COL21A1: variants seen among roughly 807,000 people sequenced by gnomAD.
COL21A1 encodes the protein collagen type XXI alpha 1 chain, also known as collagen alpha-1(XXI) chain.
A neutral mutation model predicts 137.9 loss-of-function variants in COL21A1; 149 were observed. The observed-to-expected ratio is 1.08, with a 90% CI of 0.95 to 1.24. The LOEUF is 1.24. Ranked by LOEUF, COL21A1 falls within the 50% of genes most tolerant of loss-of-function variation. The pLI, the probability that COL21A1 is intolerant of heterozygous loss-of-function variation, is 0.00. For missense variants in COL21A1, 1,167 were observed against 1,158.4 expected (o/e 1.01, Z -0.11); for synonymous variants, 456 against 391.5 (o/e 1.16, Z -1.95).
Position 56,067,327 on chromosome 6 carries a change from C to G in COL21A1, c.2095G>C (p.Asp699His). The G allele has an allele frequency of 6.2e-7, 1 of 1,608,544 alleles. No individual in the cohort carries two copies. Among genetic ancestry groups the G allele is most frequent in the Non-Finnish European group, 8.5e-7 (1 of 1,176,450 alleles). The change falls in exon 23 of 30, where the codon GAC (aspartate) becomes CAC (histidine). Residue 699 changes from aspartate to histidine, a missense_variant. Physicochemically the swap from Asp to His is moderately conservative, Grantham distance 81. Coordinates refer to ENST00000244728, the MANE Select transcript of COL21A1 (RefSeq NM_030820.4). ...GLPGIQGKKG[D>H]KGNQGEKGIQ... Reference sequence around the variant, plus strand: ...CCTTTTTCACCTTGATTTCCTTTGTCCCCCTACAAAAAGGCAGTTTGATCT... The same window carrying G: ...CCTTTTTCACCTTGATTTCCTTTGTGCCCCTACAAAAAGGCAGTTTGATCT...
chr6:56,236,735 G>C (rs1285570736), intron 1 of COL21A1, among the ~76,000 whole-genome samples: 1 of 152,008 alleles, frequency 6.6e-6, no homozygotes, highest in African/African-American at 2.4e-5. Context: ...TCTCACAACT[G>C]TATCATAAGC....
At chr6:56,353,250 G>C (rs1413421572) in intron 1 of COL21A1, among the ~76,000 whole-genome samples, 1 of 152,144 alleles carries the variant, frequency 6.6e-6, no homozygotes, top group Admixed American at 6.5e-5. Flanking sequence ...GATAAGAAGA[G>C]GCCATTCCTA....
intron 1 of COL21A1, among the ~76,000 whole-genome samples, chr6:56,272,822 T>A (rs1763559935): frequency 6.6e-6 from 1 of 152,212 alleles, no homozygotes; most frequent in African/African-American, 2.4e-5. Context: ...CTCCTTCATC[T>A]TCTGCCACAA....
chr6:56,203,928 AC>A (rs1364933007), intron 1 of COL21A1, among the ~76,000 whole-genome samples: 1 of 152,084 alleles, frequency 6.6e-6, no homozygotes. Flanking sequence ...GGAACGGTGC[AC>A]TCTGGCCCAG....
At chr6:56,116,202 A>ACT (rs2152197874) in intron 16 of COL21A1, among the ~76,000 whole-genome samples, 1 of 152,156 alleles carries the variant, frequency 6.6e-6, no homozygotes, top group Non-Finnish European at 1.5e-5. Flanking sequence ...TAACCCAAAG[A>ACT]CTACCTGAAG....
At chr6:56,071,304 T>C (rs1383702558) in intron 20 of COL21A1, among the ~76,000 whole-genome samples, 1 of 151,664 alleles carries the variant, frequency 6.6e-6, no homozygotes, top group East Asian at 1.9e-4. Context: ...GTGCAGTTCT[T>C]TCTAACAGAT....
At chr6:56,223,632 G>A (rs1240377827) in intron 1 of COL21A1, among the ~76,000 whole-genome samples, 5 of 151,890 alleles carry the variant, frequency 3.3e-5, no homozygotes, top group African/African-American at 9.7e-5. Context: ...TGGGTAAGGG[G>A]ATAATATTAA....
intron 1 of COL21A1, among the ~76,000 whole-genome samples, chr6:56,190,605 C>T (rs766434229): frequency 1.3e-5 from 2 of 152,166 alleles, no homozygotes; most frequent in Non-Finnish European, 2.9e-5. Context: ...CCAGCATCAT[C>T]CTGATACCAA....
chr6:56,268,196 G>A (rs778567571), intron 1 of COL21A1, among the ~76,000 whole-genome samples: 22 of 152,178 alleles, frequency 1.4e-4, no homozygotes, highest in African/African-American at 4.1e-4. Context: ...TTCATGGGCC[G>A]ACACAGGAGC....
intron 17 of COL21A1, among the ~76,000 whole-genome samples, chr6:56,099,143 C>T (rs1168136378): frequency 6.6e-6 from 1 of 151,140 alleles, no homozygotes; most frequent in South Asian, 2.1e-4. Context: ...TCTGCCCTTT[C>T]TAACATTGTT....
intron 17 of COL21A1, among the ~76,000 whole-genome samples, chr6:56,094,451 G>A (rs1198595155): frequency 6.6e-6 from 1 of 152,038 alleles, no homozygotes; most frequent in African/African-American, 2.4e-5. Context: ...TCTTCACTGA[G>A]CCCTCACTAT....
intron 1 of COL21A1, among the ~76,000 whole-genome samples, chr6:56,262,887 G>C (rs1763311469): frequency 6.6e-6 from 1 of 152,182 alleles, no homozygotes; most frequent in African/African-American, 2.4e-5. Flanking sequence ...AGAAAGCAAG[G>C]TGAGGACACA....
chr6:56,336,804 C>T (rs949450464), intron 1 of COL21A1, among the ~76,000 whole-genome samples: 6 of 152,200 alleles, frequency 3.9e-5, no homozygotes, highest in African/African-American at 1.4e-4. Context: ...GTCTGCTCAA[C>T]CAAAATTTTG....
chr6:56,221,771 G>A (rs1272381368), intron 1 of COL21A1, among the ~76,000 whole-genome samples: 1 of 152,044 alleles, frequency 6.6e-6, no homozygotes, highest in Non-Finnish European at 1.5e-5. Flanking sequence ...ATTCTTCTCT[G>A]TATCAGGTTT....
intron 1 of COL21A1, among the ~76,000 whole-genome samples, chr6:56,271,172 T>C (rs1172106651): frequency 1.3e-5 from 2 of 152,166 alleles, no homozygotes; most frequent in Admixed American, 6.5e-5. Flanking sequence ...ATAGTGACAA[T>C]GAAGTCCAGG....
intron 1 of COL21A1, among the ~76,000 whole-genome samples, chr6:56,260,689 A>C (rs12208542): frequency 0.36 from 35,934 of 101,026 alleles, 6,326 homozygotes; most frequent in East Asian, 0.72. Context: ...GGAAGGAAGG[A>C]AGGCAGGCAG....
chr6:56,176,452 G>A (rs1339224536), intron 3 of COL21A1, among the ~76,000 whole-genome samples: 2 of 151,056 alleles, frequency 1.3e-5, no homozygotes, highest in African/African-American at 2.4e-5. Context: ...GAATTTTATT[G>A]AGGACTTAAA....
chr6:56,302,490 C>CG (rs1285017921), intron 1 of COL21A1, among the ~76,000 whole-genome samples: 4 of 151,730 alleles, frequency 2.6e-5, no homozygotes, highest in Non-Finnish European at 5.9e-5. Context: ...TGATGATGAG[C>CG]ATTTTTTCAT....
intron 1 of COL21A1, among the ~76,000 whole-genome samples, chr6:56,300,189 G>A (rs1393921515): frequency 6.6e-6 from 1 of 152,042 alleles, no homozygotes; most frequent in Non-Finnish European, 1.5e-5. Context: ...CTAAATGTGT[G>A]TATAATGATT....
Sources: gnomAD v4.1 joint callset for allele counts (sites outside exome capture counted in the v4.1 genomes callset) on GRCh38, gnomAD v4.1.1 for gene constraint, MANE v1.5 for transcripts, NCBI Gene and HGNC (gene_info 2026-07-23, HGNC 2026-07-21) for gene names.